TNIP3: variants seen among roughly 807,000 people sequenced by gnomAD.
TNIP3 encodes the protein TNFAIP3-interacting protein 3.
Under a neutral mutation model 54.1 loss-of-function variants are expected in TNIP3, and 34 were observed. The ratio of observed to expected loss-of-function variants is 0.63; its 90% CI spans 0.48 to 0.84. The LOEUF (loss-of-function observed/expected upper bound fraction) is 0.84, where lower values mean the gene tolerates loss of function less well. TNIP3 is among the 40% of genes least tolerant of loss of function. The probability of loss-of-function intolerance (pLI) is 0.00; values close to 1 mark genes in which losing one functional copy is unlikely to be tolerated. For synonymous variants in TNIP3, 134 were observed against 136.8 expected, an observed-to-expected ratio of 0.98 and a Z score of 0.14; for missense variants, 366 against 387.6, an observed-to-expected ratio of 0.94 and a Z score of 0.47.
intron 5 of TNIP3, among the ~76,000 whole-genome samples, chr4:121,152,071 T>C (rs540156662): frequency 3.5e-4 from 53 of 152,280 alleles, no homozygotes; most frequent in Non-Finnish European, 6.6e-4. Context: ...TTGAATAGAG[T>C]ACACATAATT....
chr4:121,157,386 G>A, intron 3 of TNIP3, 143 bp from the exon 4 acceptor site: 1 of 1,020,318 alleles, frequency 9.8e-7, no homozygotes, highest in Non-Finnish European at 1.5e-6. Flanking sequence ...CCACCGTCCC[G>A]AACACAGATC....
intron 1 of TNIP3, among the ~76,000 whole-genome samples, chr4:121,221,789 A>C (rs747724255): frequency 1.3e-4 from 20 of 152,220 alleles, no homozygotes; most frequent in Non-Finnish European, 2.1e-4. Flanking sequence ...TTTCTGAGAA[A>C]GGTGTCAAAT....
At chr4:121,223,069 T>A (rs1284160142) in intron 1 of TNIP3, among the ~76,000 whole-genome samples, 2 of 152,212 alleles carry the variant, frequency 1.3e-5, no homozygotes, top group Non-Finnish European at 2.9e-5. Context: ...CCTCCCAAAG[T>A]GCTGGGATTC....
intron 3 of TNIP3, among the ~76,000 whole-genome samples, chr4:121,176,796 G>A (rs1274310884): frequency 2.8e-4 from 42 of 152,004 alleles, no homozygotes; most frequent in Non-Finnish European, 5.9e-5. Flanking sequence ...ATCTTGTGAA[G>A]TGTCATAAGT....
At chr4:121,183,088 T>G (rs1200816280) in intron 2 of TNIP3, among the ~76,000 whole-genome samples, 1 of 152,224 alleles carries the variant, frequency 6.6e-6, no homozygotes. Flanking sequence ...CCAGGTTCTT[T>G]CACGCATTTT....
At position 121,214,554 on chromosome 4, in the gene TNIP3, T is replaced by C. The variant is rs575932126; in HGVS notation, c.68+1861A>G. ...ATATGGAGAGGTGGCCGGGTGAGGA[T>C]TGCCCCTACCTCTTAGAAATAATAG... On this transcript the variant is annotated intron_variant, in intron 2 of 12. Coordinates refer to the TNIP3 transcript ENST00000507879. 1.2e-4 allele frequency among the ~76,000 whole-genome samples: 18 copies of C among 152,202 alleles called. No homozygotes were observed. The South Asian group carries it at 3.5e-3, about 30-fold the overall frequency.
chr4:121,182,543 G>A, intron 3 of TNIP3: 1 of 1,075,050 alleles, frequency 9.3e-7, no homozygotes, highest in East Asian at 2.7e-5. Flanking sequence ...TACTGCTTCA[G>A]TTTATCCTCT....
intron 10 of TNIP3, among the ~76,000 whole-genome samples, chr4:121,136,221 T>C (rs1169873022): frequency 2.6e-5 from 4 of 152,194 alleles, no homozygotes; most frequent in Non-Finnish European, 4.4e-5. Context: ...ATGAGTAGCA[T>C]GCTGTGAGTT....
intron 2 of TNIP3, among the ~76,000 whole-genome samples, chr4:121,184,043 C>T (rs1276532452): frequency 1.3e-5 from 2 of 152,016 alleles, no homozygotes; most frequent in Non-Finnish European, 2.9e-5. Flanking sequence ...ATGTTGGGGA[C>T]TACTGCTTTA....
intron 2 of TNIP3, among the ~76,000 whole-genome samples, chr4:121,209,646 G>A (rs2148846214): frequency 6.6e-6 from 1 of 152,122 alleles, no homozygotes; most frequent in South Asian, 2.1e-4. Flanking sequence ...ATAAAGTTAT[G>A]GCAAATATCA....
intron 9 of TNIP3, 132 bp from the exon 10 acceptor site, chr4:121,138,816 C>A: frequency 1.3e-6 from 1 of 759,130 alleles, no homozygotes. Flanking sequence ...AACCTATTGC[C>A]AACCTCACTC....
At chr4:121,192,186 G>A (rs1342078728) in intron 2 of TNIP3, among the ~76,000 whole-genome samples, 1 of 152,144 alleles carries the variant, frequency 6.6e-6, no homozygotes, top group Non-Finnish European at 1.5e-5. Flanking sequence ...GAGATGCCGA[G>A]CCAAGTCTGA....
upstream of TNIP3, among the ~76,000 whole-genome samples, chr4:121,218,595 T>G (rs1726900870): frequency 6.7e-6 from 1 of 149,796 alleles, no homozygotes; most frequent in Admixed American, 6.6e-5. Flanking sequence ...CCTCCCTTCC[T>G]TCCTCCTTCT....
At chr4:121,206,574 G>T (rs1188877330) in intron 2 of TNIP3, among the ~76,000 whole-genome samples, 2 of 125,720 alleles carry the variant, frequency 1.6e-5, no homozygotes, top group Admixed American at 7.6e-5. Context: ...TCTTTTTTGA[G>T]GTCTCCCTCT....
chr4:121,153,524 G>A (rs539101442), intron 5 of TNIP3, among the ~76,000 whole-genome samples: 47 of 152,262 alleles, frequency 3.1e-4, no homozygotes, highest in African/African-American at 8.7e-4. Flanking sequence ...CCCCGCATTT[G>A]TATGTCTGAG....
intron 1 of TNIP3, among the ~76,000 whole-genome samples, chr4:121,226,524 T>G (rs996429799): frequency 2.6e-5 from 4 of 152,218 alleles, no homozygotes; most frequent in Non-Finnish European, 5.9e-5. Flanking sequence ...GAAAGGACAC[T>G]CTGGGAGTCT....
chr4:121,163,049 A>T lies in TNIP3; in HGVS notation c.66+1011T>A, dbSNP rs887732026. Among the ~76,000 whole-genome samples the T allele has an allele frequency of 3.3e-5, 5 of 151,862 alleles. No individual in the cohort carries two copies. The South Asian group carries it at 1.0e-3, about 32-fold the overall frequency. ...CCCTTGATTTTTCTTTAATAAATAA[A>T]AATTACTGAAAATCTAGATACCAAA... On this transcript the variant is annotated intron_variant, in intron 1 of 10. Coordinates refer to ENST00000057513, the MANE Select transcript of TNIP3 (RefSeq NM_024873.6).
chr4:121,156,990 T>C (rs1189282850), intron 4 of TNIP3, 104 bp downstream of exon 4: 2 of 1,470,324 alleles, frequency 1.4e-6, no homozygotes, highest in Non-Finnish European at 1.9e-6. Flanking sequence ...CGTTGCTCAG[T>C]AGTGAGTTGA....
intron 9 of TNIP3, among the ~76,000 whole-genome samples, chr4:121,141,126 T>C (rs891998523): frequency 1.3e-5 from 2 of 151,984 alleles, no homozygotes; most frequent in African/African-American, 4.8e-5. Flanking sequence ...ATGCAGAAAA[T>C]GCATATTTTT....
Sources: gnomAD v4.1 joint callset for allele counts (sites outside exome capture counted in the v4.1 genomes callset) on GRCh38, gnomAD v4.1.1 for gene constraint, MANE v1.5 for transcripts, NCBI Gene and HGNC (gene_info 2026-07-23, HGNC 2026-07-21) for gene names.